TASP1: variants seen among roughly 807,000 people sequenced by gnomAD.
TASP1 encodes the protein taspase 1.
TASP1 carries 16 observed loss-of-function variants against 56.6 expected under a neutral mutation model. That is an observed-to-expected ratio of 0.28 (90% CI 0.19 to 0.43). The LOEUF (loss-of-function observed/expected upper bound fraction) is 0.43, where lower values mean the gene tolerates loss of function less well. TASP1 is among the 20% of genes least tolerant of loss of function. The probability of loss-of-function intolerance (pLI) is 1.00; values close to 1 mark genes in which losing one functional copy is unlikely to be tolerated. For missense variants in TASP1, 393 were observed against 511.6 expected (o/e 0.77, Z 2.24); for synonymous variants, 179 against 184.2 (o/e 0.97, Z 0.23).
the TASP1 span, among the ~76,000 whole-genome samples, chr20:13,284,379 C>T: frequency 1.3e-5 from 2 of 152,180 alleles, no homozygotes; most frequent in Non-Finnish European, 2.9e-5. Flanking sequence ...TTTATTTCCT[C>T]CTTGAGTTAT....
chr20:13,401,831 A>C (rs1568751515), intron 13 of TASP1, among the ~76,000 whole-genome samples: 1 of 152,222 alleles, frequency 6.6e-6, no homozygotes, highest in Non-Finnish European at 1.5e-5. Flanking sequence ...TCCTGTGAGC[A>C]AACAGCAGGC....
At chr20:13,111,528 A>C in the TASP1 span, among the ~76,000 whole-genome samples, 1 of 152,186 alleles carries the variant, frequency 6.6e-6, no homozygotes, top group Non-Finnish European at 1.5e-5. Context: ...GGCTGAGAAA[A>C]CCTGTTCTGG....
At chr20:13,634,086 T>G (rs2049198006) in intron 1 of TASP1, among the ~76,000 whole-genome samples, 1 of 152,130 alleles carries the variant, frequency 6.6e-6, no homozygotes, top group Non-Finnish European at 1.5e-5. Context: ...ACACAAAAAC[T>G]TATACATGGA....
chr20:13,541,770 G>A (rs2045630387), intron 8 of TASP1, among the ~76,000 whole-genome samples: 1 of 152,044 alleles, frequency 6.6e-6, no homozygotes, highest in Non-Finnish European at 1.5e-5. Flanking sequence ...ATTTCATGAA[G>A]AAGGGAAATA....
intron 4 of TASP1, among the ~76,000 whole-genome samples, chr20:13,603,193 T>C (rs2048026656): frequency 6.7e-6 from 1 of 148,518 alleles, no homozygotes; most frequent in Non-Finnish European, 1.5e-5. Flanking sequence ...ATCACACCAC[T>C]GCACTCTAGC....
At chr20:13,322,767 T>C in the TASP1 span, among the ~76,000 whole-genome samples, 1 of 152,164 alleles carries the variant, frequency 6.6e-6, no homozygotes, top group Non-Finnish European at 1.5e-5. Flanking sequence ...GACAGTCTAC[T>C]CAGGAAGTCC....
the TASP1 span, among the ~76,000 whole-genome samples, chr20:13,188,228 C>T: frequency 6.6e-6 from 1 of 152,202 alleles, no homozygotes; most frequent in South Asian, 2.1e-4. Flanking sequence ...ATTAAAAGCA[C>T]CCAAATTTGA....
At chr20:13,405,928 G>C (rs1235864451) in intron 13 of TASP1, among the ~76,000 whole-genome samples, 4 of 152,068 alleles carry the variant, frequency 2.6e-5, no homozygotes, top group Admixed American at 2.6e-4. Context: ...AGTGTCTGGT[G>C]GACCCTGCTG....
chr20:13,251,542 A>G, the TASP1 span, among the ~76,000 whole-genome samples: 2 of 152,196 alleles, frequency 1.3e-5, no homozygotes, highest in South Asian at 2.1e-4. Context: ...TGAGATCATG[A>G]TCTGGCATGA....
chr20:13,442,060 G>A (rs569604112), intron 11 of TASP1, among the ~76,000 whole-genome samples: 1 of 151,974 alleles, frequency 6.6e-6, no homozygotes, highest in Middle Eastern at 3.4e-3. Context: ...CACATCATTT[G>A]TACTTCCCAA....
At chr20:13,163,535 G>A in the TASP1 span, among the ~76,000 whole-genome samples, 1 of 152,054 alleles carries the variant, frequency 6.6e-6, no homozygotes, top group Non-Finnish European at 1.5e-5. Context: ...CCAGAGAGGT[G>A]TCATTTTAAA....
intron 10 of TASP1, among the ~76,000 whole-genome samples, chr20:13,517,860 G>A (rs1256981920): frequency 6.6e-6 from 1 of 152,062 alleles, no homozygotes; most frequent in African/African-American, 2.4e-5. Context: ...ATTAGAGTAT[G>A]CAATAAACTC....
the TASP1 span, among the ~76,000 whole-genome samples, chr20:13,311,243 T>TAGATAGATAGATAGATGATAGATAGATA: frequency 1.7e-4 from 22 of 127,858 alleles, no homozygotes; most frequent in South Asian, 5.4e-4. Flanking sequence ...GATAGATAGA[T>TAGATAGATAGATAGATGATAGATAGATA]GATAGATAGA....
the TASP1 span, among the ~76,000 whole-genome samples, chr20:13,290,306 G>A: frequency 5.6e-4 from 85 of 152,180 alleles, no homozygotes; most frequent in African/African-American, 2.0e-3. Context: ...AAAAAGAGAA[G>A]AATATGAAGT....
the TASP1 span, among the ~76,000 whole-genome samples, chr20:13,307,751 G>A: frequency 4.6e-5 from 7 of 152,170 alleles, no homozygotes; most frequent in South Asian, 2.1e-4. Flanking sequence ...CTTCCATATC[G>A]CTGCTTGCAG....
chr20:13,173,134 A>G, the TASP1 span, among the ~76,000 whole-genome samples: 2 of 152,110 alleles, frequency 1.3e-5, no homozygotes, highest in South Asian at 4.1e-4. Context: ...GATTGACTTA[A>G]CTCTGACTCT....
intron 11 of TASP1, among the ~76,000 whole-genome samples, chr20:13,482,107 A>G (rs1207537219): frequency 1.3e-5 from 2 of 152,222 alleles, no homozygotes; most frequent in East Asian, 3.9e-4. Context: ...ATGGTGAGAG[A>G]CAGGAGTCTA....
the TASP1 span, among the ~76,000 whole-genome samples, chr20:13,382,959 G>A: frequency 6.6e-6 from 1 of 152,182 alleles, no homozygotes; most frequent in Non-Finnish European, 1.5e-5. Flanking sequence ...CATTCCAGCA[G>A]AGCTGAAGGA....
intron 10 of TASP1, among the ~76,000 whole-genome samples, chr20:13,491,662 G>C (rs1263935446): frequency 6.6e-6 from 1 of 152,060 alleles, no homozygotes; most frequent in Non-Finnish European, 1.5e-5. Context: ...AGTTCCAAAA[G>C]GTAAAAGTAA....
Sources: allele counts gnomAD v4.1 joint callset (sites outside exome capture counted in the v4.1 genomes callset), GRCh38; gene constraint gnomAD v4.1.1; transcripts MANE v1.5; gene names NCBI Gene and HGNC (gene_info 2026-07-23, HGNC 2026-07-21).